KIF14: variants seen among roughly 807,000 people sequenced by gnomAD.
KIF14 encodes kinesin-like protein KIF14.
KIF14 carries 98 observed loss-of-function variants against 176.2 expected under a neutral mutation model. That is an observed-to-expected ratio of 0.56 (90% CI 0.47 to 0.66). The LOEUF (loss-of-function observed/expected upper bound fraction) is 0.66. Ranked by LOEUF, KIF14 falls within the 30% of genes least tolerant of loss-of-function variation. KIF14 has a pLI of 0.00. For synonymous variants in KIF14, 566 were observed against 632.2 expected, an observed-to-expected ratio of 0.90 and a Z score of 1.57; for missense variants, 1,751 against 1,920.4, an observed-to-expected ratio of 0.91 and a Z score of 1.65.
At chr1:200,566,541 C>T (rs549079496) in intron 23 of KIF14, among the ~76,000 whole-genome samples, 50 of 150,700 alleles carry the variant, frequency 3.3e-4, no homozygotes, top group African/African-American at 1.2e-3. Flanking sequence ...TACAGTGAGC[C>T]GATATGGCAC....
At chr1:200,610,509 C>CCA (rs1660103204) in intron 4 of KIF14, among the ~76,000 whole-genome samples, 1 of 107,878 alleles carries the variant, frequency 9.3e-6, no homozygotes. Flanking sequence ...GACTTCCTCT[C>CCA]AAAAAAAAAA....
Position 200,555,370 on chromosome 1 carries a change from C to T in KIF14, c.4428+10G>A, listed in dbSNP as rs746143655. ...AAGCAAAATTAAAATCAATTTAAAG[C>T]TTCTCTTACAATTTTCGATTCAGCA... is the stretch of plus-strand genomic sequence containing the variant. On this transcript the variant is annotated intron_variant, in intron 28 of 29. Coordinates refer to ENST00000367350, the MANE Select transcript of KIF14 (RefSeq NM_014875.3). The T allele has an allele frequency of 6.0e-6, 9 of 1,500,022 alleles. No homozygotes were observed. Among genetic ancestry groups the T allele is most frequent in the Non-Finnish European group, 8.2e-6 (9 of 1,097,450 alleles). The allele number at this position is 1,500,022 out of a possible 1,614,324, so 92.9% of individuals were successfully genotyped here. A position where few individuals can be genotyped will look rare whatever the true frequency, so the allele number is the denominator to read the frequency against.
chr1:200,569,635 T>C (rs1225246878), intron 23 of KIF14, among the ~76,000 whole-genome samples: 1 of 152,238 alleles, frequency 6.6e-6, no homozygotes, highest in Non-Finnish European at 1.5e-5. Flanking sequence ...GCACTTTGCT[T>C]CCTTTCACTT....
At chr1:200,612,217 G>T (rs1318970106) in intron 4 of KIF14, among the ~76,000 whole-genome samples, 1 of 152,076 alleles carries the variant, frequency 6.6e-6, no homozygotes, top group Non-Finnish European at 1.5e-5. Context: ...TGGCCAGGCT[G>T]GTCTCAAACT....
intron 27 of KIF14, among the ~76,000 whole-genome samples, chr1:200,556,855 G>A (rs947214014): frequency 6.6e-6 from 1 of 152,212 alleles, no homozygotes; most frequent in Non-Finnish European, 1.5e-5. Flanking sequence ...TGGTCTGAAT[G>A]AGCCTTTGAC....
At chr1:200,563,143 T>A (rs1166457714) in intron 25 of KIF14, among the ~76,000 whole-genome samples, 1 of 152,106 alleles carries the variant, frequency 6.6e-6, no homozygotes, top group African/African-American at 2.4e-5. Context: ...ACTAGTTAGA[T>A]CAGTTAAAGA....
intron 14 of KIF14, among the ~76,000 whole-genome samples, chr1:200,594,368 CAAAAAAA>C (rs371729211): frequency 1.1e-5 from 1 of 92,516 alleles, no homozygotes; most frequent in East Asian, 3.8e-4. Context: ...CCCAAAAATT[CAAAAAAA>C]AAAAAAAAAA....
At chr1:200,577,246 C>G (rs1181283890) in intron 21 of KIF14, among the ~76,000 whole-genome samples, 2 of 152,118 alleles carry the variant, frequency 1.3e-5, no homozygotes, top group East Asian at 3.9e-4. Flanking sequence ...ATCACTTGAA[C>G]CTGGGAGGTG....
chr1:200,577,964 T>C (rs549639651), intron 21 of KIF14, among the ~76,000 whole-genome samples: 44 of 151,930 alleles, frequency 2.9e-4, no homozygotes, highest in Non-Finnish European at 4.7e-4. Flanking sequence ...TTGTTTTTTT[T>C]TTTTCGAGGC....
At chr1:200,574,202 C>T (rs761880796) in intron 22 of KIF14, among the ~76,000 whole-genome samples, 2 of 152,134 alleles carry the variant, frequency 1.3e-5, no homozygotes, top group Non-Finnish European at 2.9e-5. Flanking sequence ...ATACTATTGA[C>T]CCTTACATCC....
chr1:200,589,365 T>C lies in KIF14; in HGVS notation c.2966A>G (p.Glu989Gly), dbSNP rs1241620037. 6.2e-7 allele frequency: 1 copy of C among 1,601,170 alleles called. No homozygotes were observed. Among genetic ancestry groups the C allele is most frequent in the East Asian group, 2.2e-5 (1 of 44,694 alleles). Residue 989 changes from glutamate to glycine, a missense_variant, in exon 18 of 30, where the codon GAA becomes GGA. Glu to Gly is a moderately conservative substitution (Grantham distance 98). Coordinates refer to ENST00000367350, the MANE Select transcript of KIF14 (RefSeq NM_014875.3). Reference protein sequence around the residue: ...KIKALEAELREESQRKKMQEI... With the variant: ...KIKALEAELRGESQRKKMQEI... Reference sequence around the variant, plus strand: ...CTGCATTTTTTTCCTTTGAGACTCTTCTCTCTTTAAAGAACAATAATAAAA... The same window carrying C: ...CTGCATTTTTTTCCTTTGAGACTCTCCTCTCTTTAAAGAACAATAATAAAA...
At chr1:200,574,692 A>G (rs1657996557) in intron 22 of KIF14, among the ~76,000 whole-genome samples, 1 of 152,112 alleles carries the variant, frequency 6.6e-6, no homozygotes. Flanking sequence ...CCATAATACC[A>G]TTTTGCCTCT....
In KIF14 at chr1:200,589,267, T is replaced by TTTCCTG. The variant is rs749444149; in HGVS notation, c.3058_3063dup (p.Gln1020_Glu1021dup). The TTTCCTG allele has an allele frequency of 4.7e-5, 76 of 1,611,704 alleles. No individual in the cohort carries two copies. The highest frequency in any genetic ancestry group is 1.6e-4 in the Middle Eastern group (1 of 6,066). On this transcript the variant is annotated inframe_insertion, in exon 18 of 30. Coordinates refer to ENST00000367350, the MANE Select transcript of KIF14 (RefSeq NM_014875.3). ...TCTAATCGCTTTTTGTTGACATATA[T>TTTCCTG]TTCCTGTTCAAGATGCTGCTTTGCC...
intron 21 of KIF14, among the ~76,000 whole-genome samples, chr1:200,578,538 C>A (rs942774926): frequency 2.7e-5 from 4 of 150,750 alleles, no homozygotes; most frequent in Non-Finnish European, 4.4e-5. Flanking sequence ...TCACAAAACA[C>A]CATAATAAAT....
rs368717102 is a variant in KIF14, at chr1:200,581,115, G to GAAAAAAAAAAAA, written c.3335+74_3335+85dup. The GAAAAAAAAAAAA allele has an allele frequency of 8.3e-4, 241 of 291,198 alleles. 6 individuals carry two copies. Among genetic ancestry groups the GAAAAAAAAAAAA allele is most frequent in the African/African-American group, 5.0e-3 (114 of 22,760 alleles). 18.0% of individuals were successfully genotyped at this position (291,198 alleles called of 1,614,324 possible). A position where few individuals can be genotyped will look rare whatever the true frequency, so the allele number is the denominator to read the frequency against. On this transcript the variant is annotated intron_variant, in intron 20 of 29. Coordinates refer to ENST00000367350, the MANE Select transcript of KIF14 (RefSeq NM_014875.3). ...GGCAACAGAGCAAGACTCTGTCTCA[G>GAAAAAAAAAAAA]AAAAAAAAAAAAAAAAAAGAGAAAC... is the stretch of plus-strand genomic sequence containing the variant.
intron 22 of KIF14, among the ~76,000 whole-genome samples, chr1:200,573,089 T>A (rs1657897714): frequency 6.6e-6 from 1 of 152,234 alleles, no homozygotes; most frequent in Non-Finnish European, 1.5e-5. Context: ...GAGCTTTATA[T>A]GCACTATCTC....
chr1:200,598,327 A>G lies in KIF14; in HGVS notation c.2459T>C (p.Ile820Thr). The G allele has an allele frequency of 1.9e-6, 3 of 1,613,306 alleles. No individual in the cohort carries two copies. The highest frequency in any genetic ancestry group is 1.1e-5 in the South Asian group (1 of 91,010). ...TCCAACTGTAGTTGTTCCTTCTTTTATCATATATAGCAGCATCTCAGATAG... is the reference window on the plus strand; with the variant it reads ...TCCAACTGTAGTTGTTCCTTCTTTTGTCATATATAGCAGCATCTCAGATAG... ...PQLSEMLLYM[I>T]KEGTTTVGKY... The change falls in exon 14 of 30, where the codon ATA becomes ACA. Residue 820 changes from isoleucine to threonine, a missense_variant. Ile to Thr is a moderately conservative substitution (Grantham distance 89, BLOSUM62 -1). Coordinates refer to ENST00000367350, the MANE Select transcript of KIF14 (RefSeq NM_014875.3).
In KIF14 at chr1:200,589,304, C is replaced by T. The variant is rs779121608; in HGVS notation, c.3027G>A (p.Glu1009=). The T allele has an allele frequency of 8.7e-6, 14 of 1,611,612 alleles. No individual in the cohort carries two copies. The South Asian group carries it at 8.8e-5, about 10-fold the overall frequency. Reference sequence around the variant, plus strand: ...GATGCTGCTTTGCCTTTTCTAATTCCTCAATTTTGTGATTAGCCTTCTGGT... The same window carrying T: ...GATGCTGCTTTGCCTTTTCTAATTCTTCAATTTTGTGATTAGCCTTCTGGT... The part of the protein sequence containing the change: ...INNQKANHKI[E]ELEKAKQHLE... The change falls in exon 18 of 30, where the codon GAG becomes GAA. Residue 1009 remains glutamate, a synonymous_variant. Transcript: ENST00000367350.
At chr1:200,583,535 G>A (rs530939233) in intron 19 of KIF14, among the ~76,000 whole-genome samples, 2 of 152,244 alleles carry the variant, frequency 1.3e-5, no homozygotes, top group Admixed American at 6.5e-5. Context: ...AAGGCTTACT[G>A]CAGCAATCTC....
Sources: allele counts gnomAD v4.1 joint callset (sites outside exome capture counted in the v4.1 genomes callset), GRCh38; gene constraint gnomAD v4.1.1; transcripts MANE v1.5; gene names NCBI Gene and HGNC (gene_info 2026-07-23, HGNC 2026-07-21).